IQCM: variants seen among roughly 807,000 people sequenced by gnomAD.
IQCM encodes the protein IQ motif containing M, also known as IQ domain-containing protein M.
A neutral mutation model predicts 57.6 loss-of-function variants in IQCM; 45 were observed. The observed-to-expected ratio is 0.78, with a 90% CI of 0.62 to 1.00. IQCM has a LOEUF of 1.00. Ranked by LOEUF, IQCM falls within the 50% of genes least tolerant of loss-of-function variation. The pLI is 0.00. For missense variants in IQCM, 468 were observed against 511.6 expected (o/e 0.91, Z 0.82); for synonymous variants, 148 against 158.9 (o/e 0.93, Z 0.51).
At chr4:149,393,986 A>G (rs944529940) in intron 13 of IQCM, among the ~76,000 whole-genome samples, 1 of 151,998 alleles carries the variant, frequency 6.6e-6, no homozygotes, top group Non-Finnish European at 1.5e-5. Context: ...GGGTGGATCT[A>G]AAAACACTGA....
chr4:149,664,199 T>C (rs1760483708), intron 7 of IQCM, among the ~76,000 whole-genome samples: 2 of 152,130 alleles, frequency 1.3e-5, no homozygotes, highest in Admixed American at 1.3e-4. Flanking sequence ...TAATAAACTT[T>C]TTTCCTAATT....
At chr4:149,474,417 A>G (rs1439474880) in intron 12 of IQCM, among the ~76,000 whole-genome samples, 1 of 152,026 alleles carries the variant, frequency 6.6e-6, no homozygotes, top group East Asian at 1.9e-4. Context: ...CTTTAAAAAA[A>G]TAAAAATTAG....
At chr4:149,433,335 T>A in intron 13 of IQCM, 61 bp downstream of exon 13, 3 of 688,656 alleles carry the variant, frequency 4.4e-6, no homozygotes, top group Non-Finnish European at 6.1e-6. Flanking sequence ...TACAGTTATA[T>A]ATTTAATATT....
At position 149,380,477 on chromosome 4, in the gene IQCM, C is replaced by G. The variant is rs531410144; in HGVS notation, c.1391-28411G>C. The stretch of plus-strand genomic sequence containing the variant: ...GGAAAATTTTGCTCATAATTATTGT[C>G]TAGATTAAGAATTTTATAATACTGG... On this transcript the variant is annotated intron_variant, in intron 13 of 13. Coordinates refer to ENST00000636793, the MANE Select transcript of IQCM (RefSeq NM_001363507.2). 4.5e-4 allele frequency among the ~76,000 whole-genome samples: 69 copies of G among 152,070 alleles called. 1 individual carries two copies. Among genetic ancestry groups the G allele is most frequent in the African/African-American group, 1.5e-3 (62 of 41,448 alleles).
intron 12 of IQCM, among the ~76,000 whole-genome samples, chr4:149,496,801 A>G (rs944869308): frequency 6.6e-6 from 1 of 152,176 alleles, no homozygotes; most frequent in African/African-American, 2.4e-5. Context: ...TGCTCATTTT[A>G]TTATTTTTAT....
chr4:149,630,152 A>G (rs886399634), intron 7 of IQCM, among the ~76,000 whole-genome samples: 1 of 152,192 alleles, frequency 6.6e-6, no homozygotes, highest in African/African-American at 2.4e-5. Flanking sequence ...AGAGGTCCTG[A>G]TGACAAGTCT....
rs892205147 is a variant in IQCM at position 149,629,236 on chromosome 4, T to C, written c.566-7992A>G. On this transcript the variant is annotated intron_variant, in intron 7 of 13. Coordinates refer to ENST00000636793, the MANE Select transcript of IQCM (RefSeq NM_001363507.2). Reference sequence around the variant, plus strand: ...CTACTTTCTTAGGAACTAAACCATTTTTTTCCCCTAGGGTATAAACTTGAA... The same window carrying C: ...CTACTTTCTTAGGAACTAAACCATTCTTTTCCCCTAGGGTATAAACTTGAA... Among the ~76,000 whole-genome samples the C allele has an allele frequency of 7.2e-5, 11 of 152,272 alleles. No individual in the cohort carries two copies. The South Asian group carries it at 1.7e-3, about 23-fold the overall frequency.
At chr4:149,487,453 T>C (rs1421296664) in intron 12 of IQCM, among the ~76,000 whole-genome samples, 1 of 152,182 alleles carries the variant, frequency 6.6e-6, no homozygotes, top group African/African-American at 2.4e-5. Context: ...CCCTGTCACG[T>C]GCCACCTTAG....
At chr4:149,592,837 C>A (rs1037384619) in intron 8 of IQCM, among the ~76,000 whole-genome samples, 2 of 152,020 alleles carry the variant, frequency 1.3e-5, no homozygotes, top group Non-Finnish European at 2.9e-5. Context: ...GGTACCAGTA[C>A]CATGCTGTTT....
At chr4:149,547,527 CT>C (rs1042370099) in intron 12 of IQCM, among the ~76,000 whole-genome samples, 44 of 152,086 alleles carry the variant, frequency 2.9e-4, no homozygotes, top group African/African-American at 9.7e-4. Context: ...AACATACAAA[CT>C]TTTTGTCTTT....
chr4:149,730,766 A>G (rs1259585659), intron 5 of IQCM, among the ~76,000 whole-genome samples: 3 of 152,224 alleles, frequency 2.0e-5, no homozygotes, highest in African/African-American at 7.2e-5. Context: ...TTTCTATTAC[A>G]GTATGAGTCA....
chr4:149,604,904 C>T (rs550775720), intron 8 of IQCM, among the ~76,000 whole-genome samples: 3 of 152,288 alleles, frequency 2.0e-5, no homozygotes, highest in South Asian at 2.1e-4. Context: ...AGGGCAGGCA[C>T]AGTCTGTTCA....
At chr4:149,661,004 T>TA (rs1388484964) in intron 7 of IQCM, among the ~76,000 whole-genome samples, 3 of 151,876 alleles carry the variant, frequency 2.0e-5, no homozygotes, top group Admixed American at 6.6e-5. Flanking sequence ...AAAACAAAAA[T>TA]AAAAAACTAA....
At chr4:149,545,732 TA>T (rs761049526) in intron 12 of IQCM, among the ~76,000 whole-genome samples, 4 of 152,040 alleles carry the variant, frequency 2.6e-5, no homozygotes, top group Non-Finnish European at 4.4e-5. Flanking sequence ...GAGATAGCTG[TA>T]CCTATATTGC....
At chr4:149,403,693 A>G (rs1057102481) in intron 13 of IQCM, among the ~76,000 whole-genome samples, 1 of 151,990 alleles carries the variant, frequency 6.6e-6, no homozygotes, top group African/African-American at 2.4e-5. Context: ...AATCCAGAGC[A>G]TAATGGGACA....
intron 12 of IQCM, among the ~76,000 whole-genome samples, chr4:149,487,409 G>A (rs1254230342): frequency 6.6e-6 from 1 of 152,186 alleles, no homozygotes; most frequent in Non-Finnish European, 1.5e-5. Context: ...GAGAGATGGT[G>A]TAAGCACTCC....
chr4:149,643,792 A>G (rs1258383037), intron 7 of IQCM, among the ~76,000 whole-genome samples: 1 of 152,186 alleles, frequency 6.6e-6, no homozygotes, highest in Non-Finnish European at 1.5e-5. Context: ...CTTTTCCTAG[A>G]TGCTATAACT....
intron 2 of IQCM, among the ~76,000 whole-genome samples, chr4:149,745,210 G>A (rs1316396295): frequency 2.0e-5 from 3 of 152,118 alleles, no homozygotes; most frequent in African/African-American, 7.2e-5. Context: ...GTAGTCTGGG[G>A]GACATCAAGT....
intron 5 of IQCM, among the ~76,000 whole-genome samples, chr4:149,724,922 T>A (rs773956577): frequency 6.6e-6 from 1 of 152,028 alleles, no homozygotes; most frequent in African/African-American, 2.4e-5. Flanking sequence ...TCTAATAATT[T>A]AAAATTTAAT....
Sources: gnomAD v4.1 joint callset for allele counts (sites outside exome capture counted in the v4.1 genomes callset) on GRCh38, gnomAD v4.1.1 for gene constraint, MANE v1.5 for transcripts, NCBI Gene and HGNC (gene_info 2026-07-23, HGNC 2026-07-21) for gene names.